The following ETV7 variants were observed in gnomAD, a reference collection of about 807,000 sequenced individuals.
ETV7 encodes the protein ETS variant transcription factor 7.
In ETV7, 43 loss-of-function variants were observed where a neutral mutation model predicts 39.1. The ratio of observed to expected loss-of-function variants is 1.10; its 90% CI spans 0.86 to 1.42. The LOEUF (loss-of-function observed/expected upper bound fraction) is 1.42. Ranked by LOEUF, ETV7 falls within the 40% of genes most tolerant of loss-of-function variation. The probability of loss-of-function intolerance (pLI) is 0.00; values close to 1 mark genes in which losing one functional copy is unlikely to be tolerated. For synonymous variants in ETV7, 196 were observed against 176.6 expected, an observed-to-expected ratio of 1.11 and a Z score of -0.87; for missense variants, 432 against 442.3, an observed-to-expected ratio of 0.98 and a Z score of 0.21.
At chr6:36,379,554 A>C (rs1275826852) in intron 2 of ETV7, among the ~76,000 whole-genome samples, 1 of 121,364 alleles carries the variant, frequency 8.2e-6, no homozygotes, top group Non-Finnish European at 1.7e-5. Flanking sequence ...TCTCTTAAAA[A>C]AAAAAAAAGA....
downstream of ETV7, among the ~76,000 whole-genome samples, chr6:36,364,775 C>A (rs1490635129): frequency 1.3e-5 from 2 of 152,234 alleles, no homozygotes; most frequent in Non-Finnish European, 2.9e-5. Flanking sequence ...GTGAGGACTG[C>A]CAGCACGCTG....
intron 2 of ETV7, among the ~76,000 whole-genome samples, chr6:36,383,256 A>G (rs1305819655): frequency 6.6e-6 from 1 of 152,012 alleles, no homozygotes; most frequent in Non-Finnish European, 1.5e-5. Context: ...CCCCATTTCC[A>G]TACAGGGAAG....
At chr6:36,354,511 T>C (rs1341292894) in exon 8 of ETV7, 2 of 554,158 alleles carry the variant, frequency 3.6e-6, no homozygotes, top group Middle Eastern at 2.6e-4. Flanking sequence ...GAAAAAACTG[T>C]TCTTAATCTA....
chr6:36,361,277 C>T (rs1220203014), downstream of ETV7, among the ~76,000 whole-genome samples: 3 of 152,186 alleles, frequency 2.0e-5, no homozygotes, highest in Non-Finnish European at 4.4e-5. Flanking sequence ...TCGCCAGCAG[C>T]GCAGGGCCCT....
intron 6 of ETV7, among the ~76,000 whole-genome samples, chr6:36,368,104 C>T (rs1181236214): frequency 3.9e-5 from 6 of 152,112 alleles, no homozygotes; most frequent in Admixed American, 3.9e-4. Context: ...GGTTCAACTC[C>T]CTGTTCTGCC....
exon 8 of ETV7, chr6:36,354,592 G>A: frequency 1.5e-6 from 1 of 686,724 alleles, no homozygotes; most frequent in Non-Finnish European, 2.6e-6. Flanking sequence ...CAGGAAGTGT[G>A]GGTCCTCCAA....
intron 2 of ETV7, among the ~76,000 whole-genome samples, chr6:36,380,443 G>T (rs771480681): frequency 6.6e-6 from 1 of 152,164 alleles, no homozygotes; most frequent in Non-Finnish European, 1.5e-5. Context: ...GCCAGCTCCC[G>T]ACTCCCAGCT....
At chr6:36,359,722 C>T (rs1410859831) in intron 7 of ETV7, among the ~76,000 whole-genome samples, 2 of 152,188 alleles carry the variant, frequency 1.3e-5, no homozygotes, top group African/African-American at 4.8e-5. Context: ...CAGTGCTTAA[C>T]CTACAGTAGG....
downstream of ETV7, among the ~76,000 whole-genome samples, chr6:36,364,294 G>C (rs1408027733): frequency 3.9e-5 from 6 of 152,208 alleles, no homozygotes; most frequent in African/African-American, 1.2e-4. Flanking sequence ...GGCGCTCGTC[G>C]GGGAGGCTCA....
chr6:36,378,789 TA>T (rs1176957991), intron 2 of ETV7, among the ~76,000 whole-genome samples: 1 of 152,202 alleles, frequency 6.6e-6, no homozygotes, highest in Non-Finnish European at 1.5e-5. Flanking sequence ...AGCCTAGTTC[TA>T]ACAACTAAAA....
rs1251603267 is a variant in ETV7 at position 36,354,745 on chromosome 6, A to C, written c.909-58T>G. 4 of 678,360 alleles carry C rather than the reference A, an allele frequency of 5.9e-6. No individual in the cohort carries two copies. In the East Asian group the frequency reaches 1.1e-4, roughly 18 times the overall value. 42.0% of individuals were successfully genotyped at this position (678,360 alleles called of 1,614,324 possible). On this transcript the variant is annotated intron_variant, in intron 7 of 7. Transcript: ENST00000339796. ...GATAGGGATTGCATTGAATATGTAG[A>C]CCAATTTAGGGAGTATTGCCATCTT...
At chr6:36,361,414 C>T (rs1003307787), downstream of ETV7, among the ~76,000 whole-genome samples, 3 of 152,210 alleles carry the variant, frequency 2.0e-5, no homozygotes, top group African/African-American at 7.2e-5. Context: ...TCTCTACAAA[C>T]CTTTTGTGAG....
chr6:36,385,695 C>T (rs2234072), intron 1 of ETV7, 26 bp from the exon 2 acceptor site: 93,333 of 1,572,836 alleles, frequency 0.059, 3,154 homozygotes, highest in Middle Eastern at 0.091. Context: ...CCAGGACAGT[C>T]AAAGAAGAGC....
At chr6:36,367,042 G>A (rs1414523991) in intron 6 of ETV7, 67 bp from the exon 7 acceptor site, 2 of 1,217,120 alleles carry the variant, frequency 1.6e-6, no homozygotes, top group Non-Finnish European at 2.4e-6. Context: ...ACCTGGAAGG[G>A]AGTAGGGTGG....
chr6:36,367,258 C>A (rs1189076763), intron 6 of ETV7, among the ~76,000 whole-genome samples: 2 of 152,116 alleles, frequency 1.3e-5, no homozygotes, highest in African/African-American at 4.8e-5. Context: ...GCCTGGCCAA[C>A]ATGGTGAAAC....
At position 36,387,429 on chromosome 6, in the gene ETV7, AGGTAAAAG is replaced by A. The variant is rs1340590030; in HGVS notation, c.6+99_6+106del. On this transcript the variant is annotated intron_variant, in intron 1 of 7. Coordinates refer to ENST00000340181, the MANE Select transcript of ETV7 (RefSeq NM_016135.4). ...TGTGTTGGAAAGAGAGATTCCCGCC[AGGTAAAAG>A]GTCTGATAAAATAGGTTTGGAAATC... 1.2e-5 allele frequency: 18 copies of A among 1,440,198 alleles called. No individual in the cohort carries two copies. The African/African-American group carries it at 1.3e-4, about 10-fold the overall frequency. 89.2% of individuals were successfully genotyped at this position (1,440,198 alleles called of 1,614,324 possible).
At chr6:36,384,523 G>A (rs1391377564) in intron 2 of ETV7, among the ~76,000 whole-genome samples, 1 of 152,122 alleles carries the variant, frequency 6.6e-6, no homozygotes, top group Non-Finnish European at 1.5e-5. Context: ...GATTTCCCAG[G>A]GCTCAGAGGA....
downstream of ETV7, among the ~76,000 whole-genome samples, chr6:36,362,200 G>A (rs533226255): frequency 1.3e-5 from 2 of 152,258 alleles, no homozygotes; most frequent in South Asian, 2.1e-4. Context: ...TGGGGAGGGG[G>A]CTGAGGCAGG....
intron 2 of ETV7, among the ~76,000 whole-genome samples, chr6:36,381,272 G>A (rs1773638779): frequency 6.6e-6 from 1 of 152,186 alleles, no homozygotes; most frequent in Admixed American, 6.5e-5. Flanking sequence ...TGACAGCTGT[G>A]GGGTCTGAGG....
Sources: gnomAD v4.1 joint callset for allele counts (sites outside exome capture counted in the v4.1 genomes callset) on GRCh38, gnomAD v4.1.1 for gene constraint, MANE v1.5 for transcripts, NCBI Gene and HGNC (gene_info 2026-07-23, HGNC 2026-07-21) for gene names.